ARNT: variants seen among roughly 807,000 people sequenced by gnomAD.
ARNT encodes the protein aryl hydrocarbon receptor nuclear translocator, also known as class E basic helix-loop-helix protein 2.
In ARNT, 30 loss-of-function variants were observed where a neutral mutation model predicts 105.0. The observed-to-expected ratio is 0.29, with a 90% confidence interval of 0.21 to 0.39. ARNT has a LOEUF of 0.39. ARNT is among the 10% of genes least tolerant of loss of function. ARNT has a pLI of 1.00. For missense variants in ARNT, 748 were observed against 978.7 expected, an observed-to-expected ratio of 0.76 and a Z score of 3.15; for synonymous variants, 304 against 344.0, an observed-to-expected ratio of 0.88 and a Z score of 1.29.
Position 150,861,275 on chromosome 1 carries a change from G to A in ARNT, c.26-2815C>T, listed in dbSNP as rs587745582. ...TAGTCCCAGCTACTCGGGGTCTGAG[G>A]CAGGAGAATCTTGAGTCCAAGATCA... On this transcript the variant is annotated intron_variant, in intron 1 of 21. Transcript: ENST00000358595. 1.8e-4 allele frequency: 77 copies of A among 430,534 alleles called. 2 individuals are homozygous for A. The highest frequency in any genetic ancestry group is 1.3e-3 in the South Asian group (75 of 59,988). The allele number at this position is 430,534 out of a possible 1,614,324, so 26.7% of individuals were successfully genotyped here.
intron 2 of ARNT, chr1:150,853,269 A>G: frequency 2.6e-6 from 1 of 385,850 alleles, no homozygotes. Context: ...CGACAACTGC[A>G]AGACTCCATC....
Position 150,834,636 on chromosome 1 carries a change from A to G in ARNT, c.705T>C (p.Arg235=). ...LSTSENALTG[R]ILDLKTGTVK... ...CTGTTCCAGTCTTTAGATCCAGGAT[A>G]CGCCCTGAAGGAAGATGTGAAGAGC... is the stretch of plus-strand genomic sequence containing the variant. The change falls in exon 8 of 22, where the codon CGT becomes CGC. Residue 235 remains arginine, a synonymous_variant. Coordinates refer to ENST00000358595, the MANE Select transcript of ARNT (RefSeq NM_001668.4). 6.2e-7 allele frequency: 1 copy of G among 1,613,820 alleles called. No individual in the cohort carries two copies. The highest frequency in any genetic ancestry group is 8.5e-7 in the Non-Finnish European group (1 of 1,179,798).
intron 1 of ARNT, among the ~76,000 whole-genome samples, chr1:150,868,513 C>T (rs1355535739): frequency 6.6e-6 from 1 of 152,188 alleles, no homozygotes; most frequent in Non-Finnish European, 1.5e-5. Flanking sequence ...ATTCTAATAA[C>T]AATCCTAAAA....
intron 3 of ARNT, among the ~76,000 whole-genome samples, chr1:150,850,272 G>A (rs1324203573): frequency 6.6e-6 from 1 of 151,148 alleles, no homozygotes; most frequent in Non-Finnish European, 1.5e-5. Flanking sequence ...TCTCCCCACG[G>A]TCTCCCTCTC....
rs1655966666 is a variant in ARNT at position 150,816,770 on chromosome 1, C to G, written c.1802+18G>C. Reference sequence around the variant, plus strand: ...TCCCTCAGGGCCCTGTAAAGCAGCACATATATACGGGGCTCACCTGAAATT... The same window carrying G: ...TCCCTCAGGGCCCTGTAAAGCAGCAGATATATACGGGGCTCACCTGAAATT... On this transcript the variant is annotated intron_variant, in intron 18 of 21. Coordinates refer to ENST00000358595, the MANE Select transcript of ARNT (RefSeq NM_001668.4). 6.4e-7 allele frequency: 1 copy of G among 1,566,918 alleles called. No individual in the cohort carries two copies.
chr1:150,844,296 T>C (rs1201380434), intron 4 of ARNT, among the ~76,000 whole-genome samples: 1 of 152,234 alleles, frequency 6.6e-6, no homozygotes, highest in African/African-American at 2.4e-5. Context: ...CATGATTTTA[T>C]AGCTGTCTTA....
intron 1 of ARNT, among the ~76,000 whole-genome samples, chr1:150,869,871 C>G (rs1667182164): frequency 6.6e-6 from 1 of 152,134 alleles, no homozygotes; most frequent in South Asian, 2.1e-4. Context: ...ACTGTTCTAG[C>G]TCCTTTTTTT....
chr1:150,830,214 C>T, intron 10 of ARNT: 1 of 417,852 alleles, frequency 2.4e-6, no homozygotes, highest in Non-Finnish European at 4.4e-6. Flanking sequence ...GGCATGGTGG[C>T]ATGCACCTGT....
chr1:150,870,103 C>A (rs780285954), intron 1 of ARNT, among the ~76,000 whole-genome samples: 30 of 151,856 alleles, frequency 2.0e-4, no homozygotes, highest in Non-Finnish European at 3.7e-4. Flanking sequence ...GGACTGCCAA[C>A]AATAAAATTC....
intron 19 of ARNT, among the ~76,000 whole-genome samples, chr1:150,815,038 C>T (rs1321562418): frequency 2.0e-5 from 3 of 152,014 alleles, no homozygotes; most frequent in African/African-American, 7.2e-5. Context: ...ATTCATAATT[C>T]CATGGTTAAC....
intron 3 of ARNT, among the ~76,000 whole-genome samples, chr1:150,847,954 A>G (rs917218131): frequency 2.6e-5 from 4 of 152,180 alleles, no homozygotes; most frequent in African/African-American, 9.7e-5. Flanking sequence ...CTTAACTTTA[A>G]ATGTTACTAT....
At chr1:150,812,744 C>T (rs1189750134) in intron 21 of ARNT, 1 of 154,492 alleles carries the variant, frequency 6.5e-6, no homozygotes, top group Non-Finnish European at 1.4e-5. Flanking sequence ...CCCAAAGCTA[C>T]TGTGACTTGG....
At chr1:150,816,604 A>C (rs1166056818) in intron 18 of ARNT, among the ~76,000 whole-genome samples, 184 bp downstream of exon 18, 2 of 152,210 alleles carry the variant, frequency 1.3e-5, no homozygotes, top group Non-Finnish European at 2.9e-5. Context: ...AGCCTAGAAC[A>C]TGGCAATAGG....
chr1:150,873,206 G>A (rs1329056886), intron 1 of ARNT, among the ~76,000 whole-genome samples: 2 of 151,174 alleles, frequency 1.3e-5, no homozygotes, highest in African/African-American at 2.4e-5. Context: ...GGAGAATGGC[G>A]TGAACCTGGG....
intron 3 of ARNT, among the ~76,000 whole-genome samples, 164 bp from the exon 4 acceptor site, chr1:150,846,471 G>T (rs1662230803): frequency 6.6e-6 from 1 of 151,982 alleles, no homozygotes. Flanking sequence ...GAACTTAAAA[G>T]ACCCACAACT....
intron 14 of ARNT, among the ~76,000 whole-genome samples, chr1:150,822,688 C>A (rs1232637797): frequency 6.6e-6 from 1 of 152,118 alleles, no homozygotes; most frequent in African/African-American, 2.4e-5. Context: ...GTTCCCTGAG[C>A]CATTCAAGCA....
At chr1:150,830,156 G>A in intron 10 of ARNT, 176 bp from the exon 11 acceptor site, 1 of 597,654 alleles carries the variant, frequency 1.7e-6, no homozygotes, top group East Asian at 3.0e-5. Context: ...GACCAGCCTG[G>A]CCGACACAGT....
intron 1 of ARNT, among the ~76,000 whole-genome samples, chr1:150,868,908 A>G (rs1434472901): frequency 6.7e-6 from 1 of 149,276 alleles, no homozygotes; most frequent in Non-Finnish European, 1.5e-5. Context: ...AAAAAATAAT[A>G]ATAAAATTTA....
intron 6 of ARNT, among the ~76,000 whole-genome samples, chr1:150,838,963 CCTT>C (rs1235448032): frequency 6.6e-6 from 1 of 152,132 alleles, no homozygotes; most frequent in Non-Finnish European, 1.5e-5. Flanking sequence ...AATGTTTACG[CCTT>C]CTTTTTTTCA....
Sources: gnomAD v4.1 joint callset for allele counts (sites outside exome capture counted in the v4.1 genomes callset) on GRCh38, gnomAD v4.1.1 for gene constraint, MANE v1.5 for transcripts, NCBI Gene and HGNC (gene_info 2026-07-23, HGNC 2026-07-21) for gene names.